TMEM132D: variants seen among roughly 807,000 people sequenced by gnomAD.
TMEM132D encodes transmembrane protein 132D.
TMEM132D carries 21 observed loss-of-function variants against 62.3 expected under a neutral mutation model. That is an observed-to-expected ratio of 0.34 (90% CI 0.24 to 0.49). The LOEUF (loss-of-function observed/expected upper bound fraction) is 0.49. Among genes scored for constraint, TMEM132D ranks in the 20% least tolerant of loss-of-function variants. The probability of loss-of-function intolerance (pLI) is 0.99; values close to 1 mark genes in which losing one functional copy is unlikely to be tolerated. For synonymous variants in TMEM132D, 621 were observed against 575.6 expected (o/e 1.08, Z -1.13); for missense variants, 1,346 against 1,402.8 (o/e 0.96, Z 0.65).
In TMEM132D at chr12:129,621,856, G is replaced by A. The variant is rs546734809; in HGVS notation, c.968+77954C>T. ...TGGTCTGGGACTAGAGCCCCAGTGC[G>A]GGTGAAACCACCTCCCTTTATGGAT... On this transcript the variant is annotated intron_variant, in intron 2 of 8. Transcript: ENST00000422113. Among the ~76,000 whole-genome samples the A allele has an allele frequency of 3.3e-5, 5 of 152,264 alleles. No homozygotes were observed. The East Asian group carries it at 7.7e-4, about 24-fold the overall frequency.
At chr12:129,483,770 G>A (rs1231986676) in intron 3 of TMEM132D, among the ~76,000 whole-genome samples, 1 of 152,164 alleles carries the variant, frequency 6.6e-6, no homozygotes, top group Non-Finnish European at 1.5e-5. Flanking sequence ...CAATTAGGGG[G>A]CATTTCATGG....
intron 2 of TMEM132D, among the ~76,000 whole-genome samples, chr12:129,617,841 C>G (rs1878962906): frequency 6.6e-6 from 1 of 152,146 alleles, no homozygotes; most frequent in Non-Finnish European, 1.5e-5. Flanking sequence ...AGGGGCCCCG[C>G]CACCTAATAC....
intron 1 of TMEM132D, among the ~76,000 whole-genome samples, chr12:129,897,593 G>A (rs1593203226): frequency 6.6e-6 from 1 of 152,158 alleles, no homozygotes; most frequent in Non-Finnish European, 1.5e-5. Context: ...AAAAGAAGCT[G>A]ACCTAGGAGA....
At chr12:129,870,921 T>A (rs1016281780) in intron 1 of TMEM132D, among the ~76,000 whole-genome samples, 1 of 152,064 alleles carries the variant, frequency 6.6e-6, no homozygotes, top group Non-Finnish European at 1.5e-5. Context: ...GTGGTCAGTG[T>A]CAGAATTGCA....
At chr12:129,300,630 C>A (rs771683965) in intron 4 of TMEM132D, among the ~76,000 whole-genome samples, 11 of 151,868 alleles carry the variant, frequency 7.2e-5, no homozygotes, top group Non-Finnish European at 1.3e-4. Context: ...GTCTTTTTTT[C>A]TTTTTCCTGT....
intron 3 of TMEM132D, among the ~76,000 whole-genome samples, chr12:129,342,553 A>C (rs1164680168): frequency 6.6e-6 from 1 of 152,204 alleles, no homozygotes; most frequent in Non-Finnish European, 1.5e-5. Context: ...AGCAATGGCA[A>C]CAGAAGCCAA....
chr12:129,401,036 AC>A (rs1014735173), intron 3 of TMEM132D, among the ~76,000 whole-genome samples: 1 of 152,150 alleles, frequency 6.6e-6, no homozygotes, highest in African/African-American at 2.4e-5. Context: ...ACTGAAATGC[AC>A]CCTGAATCTC....
intron 2 of TMEM132D, among the ~76,000 whole-genome samples, chr12:129,579,580 C>T (rs1877783071): frequency 6.6e-6 from 1 of 152,164 alleles, no homozygotes; most frequent in Admixed American, 6.5e-5. Flanking sequence ...GTCCAAAAGC[C>T]AAAGACCCTG....
chr12:129,082,837 C>T (rs1413010711), intron 6 of TMEM132D, among the ~76,000 whole-genome samples: 1 of 152,202 alleles, frequency 6.6e-6, no homozygotes, highest in South Asian at 2.1e-4. Flanking sequence ...TCAAGCAATC[C>T]TTCCACTCCA....
intron 3 of TMEM132D, among the ~76,000 whole-genome samples, chr12:129,351,204 G>A (rs1156353002): frequency 6.6e-6 from 1 of 152,164 alleles, no homozygotes; most frequent in Non-Finnish European, 1.5e-5. Flanking sequence ...AGATGTATGT[G>A]AGGTCGTGCT....
intron 2 of TMEM132D, among the ~76,000 whole-genome samples, chr12:129,587,616 T>A (rs1878066322): frequency 6.6e-6 from 1 of 152,150 alleles, no homozygotes; most frequent in Admixed American, 6.5e-5. Flanking sequence ...GGTTTGTACT[T>A]ATGCAGATGC....
chr12:129,748,039 G>A (rs1189665879), intron 1 of TMEM132D, among the ~76,000 whole-genome samples: 1 of 152,158 alleles, frequency 6.6e-6, no homozygotes, highest in Non-Finnish European at 1.5e-5. Flanking sequence ...TGTTTTCTGT[G>A]CATTTGCAAC....
chr12:129,366,818 CT>C (rs1304840191), intron 3 of TMEM132D, among the ~76,000 whole-genome samples: 2 of 152,088 alleles, frequency 1.3e-5, no homozygotes, highest in African/African-American at 4.8e-5. Flanking sequence ...ACAAATGAAC[CT>C]CTTTCTCGGG....
intron 2 of TMEM132D, among the ~76,000 whole-genome samples, chr12:129,623,746 C>CAT (rs1879141646): frequency 7.8e-6 from 1 of 129,026 alleles, no homozygotes; most frequent in Non-Finnish European, 1.6e-5. Context: ...CATATATATA[C>CAT]ACATATATAT....
At chr12:129,820,044 TC>T (rs1343350327) in intron 1 of TMEM132D, among the ~76,000 whole-genome samples, 1 of 152,092 alleles carries the variant, frequency 6.6e-6, no homozygotes, top group Non-Finnish European at 1.5e-5. Flanking sequence ...CACCTCCTCC[TC>T]CCCTGGTTCC....
At chr12:129,491,399 G>A (rs1388576087) in intron 3 of TMEM132D, among the ~76,000 whole-genome samples, 3 of 152,196 alleles carry the variant, frequency 2.0e-5, no homozygotes, top group Non-Finnish European at 4.4e-5. Flanking sequence ...CTAAACTCCA[G>A]TTTCCAGCCA....
chr12:129,886,530 T>C (rs993857892), intron 1 of TMEM132D, among the ~76,000 whole-genome samples: 9 of 152,222 alleles, frequency 5.9e-5, no homozygotes, highest in Admixed American at 3.3e-4. Context: ...CGCCCCTCCA[T>C]TCATATAATG....
chr12:129,513,055 T>C (rs1156264320), intron 3 of TMEM132D, among the ~76,000 whole-genome samples: 1 of 152,206 alleles, frequency 6.6e-6, no homozygotes, highest in Non-Finnish European at 1.5e-5. Flanking sequence ...TTTGTGTTGC[T>C]AGAAAAGAAT....
chr12:129,885,584 C>G lies in TMEM132D; in HGVS notation c.79+17677G>C, dbSNP rs1874726481. Among the ~76,000 whole-genome samples the G allele has an allele frequency of 2.0e-5, 3 of 152,200 alleles. No homozygotes were observed. In the South Asian group the frequency reaches 6.2e-4, roughly 32 times the overall value. Reference sequence around the variant, plus strand: ...TGTGTACCCAAGGCTGAGAACCACTCGTGTAAAAACAATGGTCTTCCCACA... The same window carrying G: ...TGTGTACCCAAGGCTGAGAACCACTGGTGTAAAAACAATGGTCTTCCCACA... On this transcript the variant is annotated intron_variant, in intron 1 of 8. Transcript: ENST00000422113.
Sources: allele counts gnomAD v4.1 joint callset (sites outside exome capture counted in the v4.1 genomes callset), GRCh38; gene constraint gnomAD v4.1.1; transcripts MANE v1.5; gene names NCBI Gene and HGNC (gene_info 2026-07-23, HGNC 2026-07-21).